The following TTLL5 variants were observed in gnomAD, a reference collection of about 807,000 sequenced individuals.
TTLL5 encodes the protein tubulin tyrosine ligase like 5.
TTLL5 carries 132 observed loss-of-function variants against 168.4 expected under a neutral mutation model. The observed-to-expected ratio is 0.78, with a 90% confidence interval of 0.68 to 0.91. TTLL5 has a LOEUF of 0.91. TTLL5 is among the 40% of genes least tolerant of loss of function. The pLI is 0.00. For missense variants in TTLL5, 1,545 were observed against 1,581.5 expected (o/e 0.98, Z 0.39); for synonymous variants, 546 against 558.6 (o/e 0.98, Z 0.32).
At chr14:75,894,942 G>T (rs574705649) in intron 30 of TTLL5, among the ~76,000 whole-genome samples, 3 of 152,216 alleles carry the variant, frequency 2.0e-5, no homozygotes, top group African/African-American at 7.2e-5. Flanking sequence ...ATTATAAGGA[G>T]AAACTTGCAA....
chr14:75,924,660 T>C (rs1186337383), intron 31 of TTLL5, among the ~76,000 whole-genome samples: 1 of 151,942 alleles, frequency 6.6e-6, no homozygotes, highest in African/African-American at 2.4e-5. Flanking sequence ...CAGAACAAAA[T>C]GAAAAGTCTC....
intron 12 of TTLL5, among the ~76,000 whole-genome samples, chr14:75,725,491 C>A (rs1888134892): frequency 6.6e-6 from 1 of 152,164 alleles, no homozygotes; most frequent in Non-Finnish European, 1.5e-5. Flanking sequence ...TAGTCTTCGA[C>A]AATTTTGGTT....
rs2032149685 is a variant in TTLL5 at position 75,886,818 on chromosome 14, G to C, written c.3740+3916G>C. On this transcript the variant is annotated intron_variant, in intron 30 of 31. Transcript: ENST00000298832. ...CATCTGAACTGTCTCTTGTAAATGA[G>C]CTTTTTTCAGAGCCAGAATCATACT... 4.6e-5 allele frequency: 72 copies of C among 1,566,868 alleles called. No homozygotes were observed. The East Asian group carries it at 1.6e-3, about 35-fold the overall frequency.
rs534532471 is a variant in TTLL5 at position 75,724,154 on chromosome 14, T to A, written c.1042+3451T>A. On this transcript the variant is annotated intron_variant, in intron 12 of 31. Transcript: ENST00000298832. The stretch of plus-strand genomic sequence containing the variant: ...GGGTTCGCTATATTCTTTTGGTGGT[T>A]GTTCCTGTCCTTCCATCTTATGGAT... 2.2e-4 allele frequency among the ~76,000 whole-genome samples: 34 copies of A among 152,182 alleles called. 1 individual carries two copies. Among genetic ancestry groups the A allele is most frequent in the Non-Finnish European group, 3.1e-4 (21 of 68,020 alleles).
chr14:75,857,905 C>T (rs1247147700), intron 28 of TTLL5, among the ~76,000 whole-genome samples: 2 of 152,084 alleles, frequency 1.3e-5, no homozygotes, highest in Non-Finnish European at 2.9e-5. Flanking sequence ...CCCACCTCGA[C>T]CTCCCAAAGT....
At chr14:75,954,387 A>G (rs372229003) in intron 31 of TTLL5, 37 bp from the exon 32 acceptor site, 8 of 1,611,808 alleles carry the variant, frequency 5.0e-6, no homozygotes, top group Non-Finnish European at 6.8e-6. Flanking sequence ...CCATGCTGTC[A>G]TTTCATTCAT....
intron 27 of TTLL5, among the ~76,000 whole-genome samples, chr14:75,811,169 G>A (rs1355099591): frequency 1.4e-5 from 2 of 146,332 alleles, no homozygotes; most frequent in African/African-American, 5.0e-5. Context: ...GTGTGTGTGT[G>A]TGTGTGTGTG....
chr14:75,905,107 A>T (rs28497267), intron 31 of TTLL5, among the ~76,000 whole-genome samples: 1,678 of 152,276 alleles, frequency 0.011, 25 homozygotes, highest in African/African-American at 0.034. Flanking sequence ...TTTTCTGTAA[A>T]CCCACAAGAA....
Position 75,782,574 on chromosome 14 carries a change from G to A in TTLL5, c.2602+1G>A, listed in dbSNP as rs867401129. On this transcript the variant is annotated splice_donor_variant, in intron 25 of 31. Coordinates refer to ENST00000298832, the MANE Select transcript of TTLL5 (RefSeq NM_015072.5). LOFTEE classifies it high-confidence loss of function. ...GAAATTCATTCTGATAAATTATCTCGTGAGTGATTTCAAACCTACCTAGAT... is the reference window on the plus strand; with the variant it reads ...GAAATTCATTCTGATAAATTATCTCATGAGTGATTTCAAACCTACCTAGAT... 14 of 1,612,472 alleles carry A rather than the reference G, an allele frequency of 8.7e-6. No individual in the cohort carries two copies. Among genetic ancestry groups the A allele is most frequent in the Middle Eastern group, 3.3e-4 (2 of 6,078 alleles).
chr14:75,773,963 G>GAGAGAGAGAA (rs1891547715), intron 21 of TTLL5, among the ~76,000 whole-genome samples: 3 of 69,506 alleles, frequency 4.3e-5, no homozygotes, highest in African/African-American at 1.2e-4. Flanking sequence ...GAGAAAGAGA[G>GAGAGAGAGAA]AGAGAGAGAG....
intron 29 of TTLL5, among the ~76,000 whole-genome samples, chr14:75,867,433 A>G (rs1241521568): frequency 1.3e-5 from 2 of 152,300 alleles, no homozygotes; most frequent in East Asian, 1.9e-4. Flanking sequence ...TCCAAGCACT[A>G]TTCAGGGTTC....
rs867410192 is a variant in TTLL5, at chr14:75,807,241, A to G, written c.3172-12766A>G. Among the ~76,000 whole-genome samples the G allele has an allele frequency of 2.6e-5, 4 of 152,164 alleles. No individual in the cohort carries two copies. In the South Asian group the frequency reaches 8.3e-4, roughly 32 times the overall value. ...GGTGGGTGGATCGCTTGAGCTCGGGAGTTCTAGGCCAGCCTGGGGAACATG... is the reference window on the plus strand; with the variant it reads ...GGTGGGTGGATCGCTTGAGCTCGGGGGTTCTAGGCCAGCCTGGGGAACATG... On this transcript the variant is annotated intron_variant, in intron 27 of 31. Coordinates refer to ENST00000298832, the MANE Select transcript of TTLL5 (RefSeq NM_015072.5).
At position 75,745,177 on chromosome 14, in the gene TTLL5, G is replaced by T. The variant is rs2140259003; in HGVS notation, c.1364G>T (p.Gly455Val). ...SAREKGPGKL[G>V]GSVLGLSMEE... The stretch of plus-strand genomic sequence containing the variant: ...CGGGAGAAAGGGCCAGGGAAGTTGG[G>T]TGGTTCTGTGCTTGGTCTGTCAATG... The change falls in exon 16 of 32, where the codon GGT becomes GTT. Residue 455 changes from glycine to valine, a missense_variant. Physicochemically the swap from Gly to Val is moderately radical, Grantham distance 109. Transcript: ENST00000298832. 1 of 1,613,988 alleles carries T rather than the reference G, an allele frequency of 6.2e-7. No individual in the cohort carries two copies. Among genetic ancestry groups the T allele is most frequent in the East Asian group, 2.2e-5 (1 of 44,876 alleles).
chr14:75,818,098 A>G (rs1894574101), intron 27 of TTLL5, among the ~76,000 whole-genome samples: 1 of 151,812 alleles, frequency 6.6e-6, no homozygotes, highest in African/African-American at 2.4e-5. Context: ...TCAGCCTCCC[A>G]AAGTGCTGCG....
At chr14:75,808,232 A>G (rs140356793) in intron 27 of TTLL5, among the ~76,000 whole-genome samples, 52 of 152,324 alleles carry the variant, frequency 3.4e-4, no homozygotes, top group African/African-American at 1.3e-3. Context: ...ATATATACGT[A>G]TATTATGAAA....
chr14:75,815,683 T>C (rs1272565800), intron 27 of TTLL5, among the ~76,000 whole-genome samples: 2 of 152,230 alleles, frequency 1.3e-5, no homozygotes, highest in African/African-American at 2.4e-5. Flanking sequence ...ATTTGAGGTC[T>C]GTATCTGATG....
intron 27 of TTLL5, among the ~76,000 whole-genome samples, chr14:75,805,603 G>A (rs1893607261): frequency 6.6e-6 from 1 of 152,136 alleles, no homozygotes; most frequent in East Asian, 1.9e-4. Flanking sequence ...CTGAGAGTCA[G>A]GTCCACATTT....
chr14:75,849,236 G>A (rs530512578), intron 28 of TTLL5, among the ~76,000 whole-genome samples: 15 of 152,292 alleles, frequency 9.8e-5, no homozygotes, highest in Admixed American at 7.2e-4. Flanking sequence ...TGCTTATTGA[G>A]TGGCTAATCA....
intron 27 of TTLL5, among the ~76,000 whole-genome samples, chr14:75,812,326 C>T (rs1454765011): frequency 6.6e-6 from 1 of 152,138 alleles, no homozygotes; most frequent in South Asian, 2.1e-4. Context: ...CCAGATTTCC[C>T]ACAGGCAGTT....
Sources: gnomAD v4.1 joint callset for allele counts (sites outside exome capture counted in the v4.1 genomes callset) on GRCh38, gnomAD v4.1.1 for gene constraint, MANE v1.5 for transcripts, NCBI Gene and HGNC (gene_info 2026-07-23, HGNC 2026-07-21) for gene names.